The following MSH4 variants were observed in gnomAD, a reference collection of about 807,000 sequenced individuals.
The protein encoded by MSH4 is mutS protein homolog 4.
A neutral mutation model predicts 113.7 loss-of-function variants in MSH4; 106 were observed. The observed-to-expected ratio is 0.93, with a 90% CI of 0.80 to 1.10. The LOEUF is 1.10. Among genes scored for constraint, MSH4 ranks in the 50% least tolerant of loss-of-function variants. The pLI, the probability that MSH4 is intolerant of heterozygous loss-of-function variation, is 0.00. For missense variants in MSH4, 1,061 were observed against 1,093.7 expected (o/e 0.97, Z 0.42); for synonymous variants, 368 against 380.2 (o/e 0.97, Z 0.37).
intron 9 of MSH4, among the ~76,000 whole-genome samples, chr1:75,867,804 T>C (rs976734330): frequency 6.6e-6 from 1 of 152,052 alleles, no homozygotes; most frequent in Non-Finnish European, 1.5e-5. Flanking sequence ...AGTACTAAGG[T>C]ACTAAGTACT....
Position 75,878,289 on chromosome 1 carries a change from C to T in MSH4, c.1511C>T (p.Thr504Ile), listed in dbSNP as rs1481548811. 1.2e-6 allele frequency: 2 copies of T among 1,601,014 alleles called. No individual in the cohort carries two copies. The highest frequency in any genetic ancestry group is 2.3e-5 in the South Asian group (2 of 87,478). Residue 504 changes from threonine (T) to isoleucine (I), a missense_variant, in exon 11 of 20, where the codon ACA (threonine) becomes ATA (isoleucine). Coordinates refer to ENST00000263187, the MANE Select transcript of MSH4 (RefSeq NM_002440.4). ...INEFLDIARR[T>I]YTEIVDDIAG... The stretch of plus-strand genomic sequence containing the variant: ...GAATTTCTTGACATAGCAAGAAGAA[C>T]ATACACAGAGATTGTAGATGACATA...
chr1:75,811,708 T>C (rs1570942644), intron 4 of MSH4, among the ~76,000 whole-genome samples: 1 of 152,246 alleles, frequency 6.6e-6, no homozygotes, highest in African/African-American at 2.4e-5. Context: ...GTAGACAGCA[T>C]TGCAGTTGGA....
rs1216505517 is a variant in MSH4 at position 75,807,099 on chromosome 1, A to G, written c.546A>G (p.Gln182=). The change falls in exon 3 of 20, where the codon CAA becomes CAG. Residue 182 remains glutamine (Q), a synonymous_variant. Transcript: ENST00000263187. The part of the protein sequence containing the change: ...GMASIDLKNP[Q]IILSQFADNT... The stretch of plus-strand genomic sequence containing the variant: ...CAAGTATTGATTTAAAAAACCCCCA[A>G]ATTATACTATCCCAGTTTGCAGACA... 4 of 1,580,800 alleles carry G rather than the reference A, an allele frequency of 2.5e-6. No individual in the cohort carries two copies. Among genetic ancestry groups the G allele is most frequent in the African/African-American group, 1.4e-5 (1 of 72,642 alleles).
chr1:75,823,190 G>A (rs924195751), intron 7 of MSH4, among the ~76,000 whole-genome samples: 1 of 152,104 alleles, frequency 6.6e-6, no homozygotes, highest in African/African-American at 2.4e-5. Flanking sequence ...TTCTCCCTGC[G>A]TGTCTTCACA....
chr1:75,827,664 C>CAAAA (rs201976546), intron 7 of MSH4, among the ~76,000 whole-genome samples: 2 of 118,394 alleles, frequency 1.7e-5, no homozygotes, highest in Non-Finnish European at 3.5e-5. Context: ...AAATGGAAAG[C>CAAAA]AAAAAAAAAA....
chr1:75,883,674 C>G lies in MSH4; in HGVS notation c.1960C>G (p.Leu654Val), dbSNP rs1246208063. ...AATCAAACAGGGATGGCATCCTATT[C>G]TTGAAAAAATATCTGCGGAAAAACC... ...LAIKQGWHPI[L>V]EKISAEKPIA... Residue 654 changes from leucine (L) to valine (V), a missense_variant, in exon 15 of 20, where the codon CTT becomes GTT. By Grantham distance (32) the Leu-to-Val change is conservative (BLOSUM62 1). Transcript: ENST00000263187. 1.9e-6 allele frequency: 3 copies of G among 1,613,064 alleles called. No individual in the cohort carries two copies. The highest frequency in any genetic ancestry group is 3.3e-5 in the Admixed American group (2 of 59,838).
At chr1:75,858,694 T>G (rs529636260) in intron 8 of MSH4, among the ~76,000 whole-genome samples, 18 of 152,174 alleles carry the variant, frequency 1.2e-4, no homozygotes, top group Non-Finnish European at 2.5e-4. Context: ...ATTCTCACAT[T>G]GATGTTCATC....
intron 9 of MSH4, among the ~76,000 whole-genome samples, chr1:75,875,105 A>G (rs1395402995): frequency 6.6e-6 from 1 of 151,908 alleles, no homozygotes; most frequent in African/African-American, 2.4e-5. Flanking sequence ...TGTTGGCCAC[A>G]CTGGTATCGA....
In MSH4 at chr1:75,889,238, T is replaced by A; in HGVS notation, c.2108-13T>A. ...AAACACATTTCAGTTTATCTTGACC[T>A]TATATTTTACAGGATCATATGTTCC... On this transcript the variant is annotated splice_polypyrimidine_tract_variant and intron_variant, in intron 15 of 19. Transcript: ENST00000263187. 1.7e-6 allele frequency: 2 copies of A among 1,180,028 alleles called. No individual in the cohort carries two copies. The highest frequency in any genetic ancestry group is 1.3e-5 in the South Asian group (1 of 75,492). 73.1% of individuals were successfully genotyped at this position (1,180,028 alleles called of 1,614,324 possible).
chr1:75,889,961 A>G (rs993245439), intron 16 of MSH4, among the ~76,000 whole-genome samples: 2 of 152,204 alleles, frequency 1.3e-5, no homozygotes, highest in South Asian at 2.1e-4. Context: ...CATGATTTAT[A>G]TAATTATTTA....
intron 7 of MSH4, among the ~76,000 whole-genome samples, chr1:75,823,026 TTAAAA>T (rs1350991964): frequency 1.3e-5 from 2 of 152,164 alleles, no homozygotes; most frequent in Non-Finnish European, 2.9e-5. Flanking sequence ...AGCTAGAAAC[TTAAAA>T]TAAGGTGTCA....
chr1:75,863,069 T>C (rs1275559229), intron 8 of MSH4, among the ~76,000 whole-genome samples: 1 of 152,176 alleles, frequency 6.6e-6, no homozygotes, highest in African/African-American at 2.4e-5. Context: ...GATATTTTTC[T>C]AATTTTTATC....
At position 75,803,776 on chromosome 1, in the gene MSH4, C is replaced by A; in HGVS notation, c.290C>A (p.Ala97Glu). Residue 97 changes from alanine to glutamate, a missense_variant, in exon 2 of 20, where the codon GCA becomes GAA. Physicochemically the swap from Ala to Glu is moderately radical, Grantham distance 107. Coordinates refer to ENST00000263187, the MANE Select transcript of MSH4 (RefSeq NM_002440.4). ...AGAGCTTATGCAGAAAACACAGTTG[C>A]ATCAAATTTTACTTTTGGTGCAAGC... ...NKRAYAENTV[A>E]SNFTFGASSS... 6.2e-7 allele frequency: 1 copy of A among 1,600,066 alleles called. No homozygotes were observed. The highest frequency in any genetic ancestry group is 8.5e-7 in the Non-Finnish European group (1 of 1,175,454).
At chr1:75,815,490 T>G (rs1650275448) in intron 5 of MSH4, among the ~76,000 whole-genome samples, 1 of 152,206 alleles carries the variant, frequency 6.6e-6, no homozygotes, top group Non-Finnish European at 1.5e-5. Flanking sequence ...ACTGGAAATG[T>G]GAGGGCATAG....
rs1468707641 is a variant in MSH4, at chr1:75,912,909, A to G, written c.*22A>G. Reference sequence around the variant, plus strand: ...ATAATCACAATTCTAATGTAATAATATATCTTAATTCAAGGAACCTAGAAT... The same window carrying G: ...ATAATCACAATTCTAATGTAATAATGTATCTTAATTCAAGGAACCTAGAAT... On this transcript the variant is annotated 3_prime_UTR_variant, in exon 20 of 20. Coordinates refer to ENST00000263187, the MANE Select transcript of MSH4 (RefSeq NM_002440.4). 17 of 1,392,882 alleles carry G rather than the reference A, an allele frequency of 1.2e-5. No individual in the cohort carries two copies. The highest frequency in any genetic ancestry group is 1.6e-5 in the Non-Finnish European group (17 of 1,052,078). 86.3% of individuals were successfully genotyped at this position (1,392,882 alleles called of 1,614,324 possible).
At chr1:75,820,826 A>G (rs1239484990) in intron 6 of MSH4, among the ~76,000 whole-genome samples, 5 of 150,700 alleles carry the variant, frequency 3.3e-5, no homozygotes, top group African/African-American at 7.4e-5. Flanking sequence ...ACATAATGGT[A>G]AAGGGATCAA....
chr1:75,883,171 ATTTTTT>A (rs11368450), intron 14 of MSH4, among the ~76,000 whole-genome samples: 1 of 135,566 alleles, frequency 7.4e-6, no homozygotes, highest in African/African-American at 2.8e-5. Flanking sequence ...CACCTGGCTA[ATTTTTT>A]TTTTTTTTTT....
At chr1:75,883,495 C>A in intron 14 of MSH4, 126 bp from the exon 15 acceptor site, 1 of 726,974 alleles carries the variant, frequency 1.4e-6, no homozygotes, top group Non-Finnish European at 2.2e-6. Context: ...AATATAGTAC[C>A]TTAATGTTAT....
rs766096495 is a variant in MSH4 at position 75,880,047 on chromosome 1, C to A, written c.1678-3C>A. ...TGACATTTGTTTTTTAATCTCCAAG[C>A]AGATTTCTAAAGTGAAAAATTCTTA... On this transcript the variant is annotated splice_polypyrimidine_tract_variant and splice_region_variant and intron_variant, in intron 12 of 19. Coordinates refer to ENST00000263187, the MANE Select transcript of MSH4 (RefSeq NM_002440.4). 6.9e-7 allele frequency: 1 copy of A among 1,458,732 alleles called. No homozygotes were observed. Among genetic ancestry groups the A allele is most frequent in the Non-Finnish European group, 9.6e-7 (1 of 1,046,872 alleles). 90.4% of individuals were successfully genotyped at this position (1,458,732 alleles called of 1,614,324 possible). A position where few individuals can be genotyped will look rare whatever the true frequency, so the allele number is the denominator to read the frequency against.
Sources: gnomAD v4.1 joint callset for allele counts (sites outside exome capture counted in the v4.1 genomes callset) on GRCh38, gnomAD v4.1.1 for gene constraint, MANE v1.5 for transcripts, NCBI Gene and HGNC (gene_info 2026-07-23, HGNC 2026-07-21) for gene names.